Variants in PPARGC1A observed in about 807,000 individuals in gnomAD.
The protein encoded by PPARGC1A is peroxisome proliferator-activated receptor gamma coactivator 1-alpha.
In PPARGC1A, 25 loss-of-function variants were observed where a neutral mutation model predicts 88.7. That is an observed-to-expected ratio of 0.28 (90% CI 0.21 to 0.39). The LOEUF (loss-of-function observed/expected upper bound fraction) is 0.39. Among genes scored for constraint, PPARGC1A ranks in the 10% least tolerant of loss-of-function variants. The probability of loss-of-function intolerance (pLI) is 1.00; values close to 1 mark genes in which losing one functional copy is unlikely to be tolerated. For missense variants in PPARGC1A, 880 were observed against 968.7 expected, an observed-to-expected ratio of 0.91 and a Z score of 1.22; for synonymous variants, 363 against 355.6, an observed-to-expected ratio of 1.02 and a Z score of -0.24.
the PPARGC1A span, among the ~76,000 whole-genome samples, chr4:23,947,280 A>G: frequency 4.7e-5 from 7 of 149,912 alleles, no homozygotes; most frequent in African/African-American, 1.7e-4. Flanking sequence ...TAAGTGCTTT[A>G]CATAGATTAG....
intron 2 of PPARGC1A, among the ~76,000 whole-genome samples, chr4:23,872,973 G>A (rs941729124): frequency 6.6e-6 from 1 of 151,890 alleles, no homozygotes; most frequent in Non-Finnish European, 1.5e-5. Flanking sequence ...GGCGGATCAC[G>A]AGGTCAGGAG....
At chr4:24,470,277 G>GACACACACACAC in the PPARGC1A span, among the ~76,000 whole-genome samples, 4,713 of 110,432 alleles carry the variant, frequency 0.043, 191 homozygotes, top group Non-Finnish European at 0.051. The surrounding 1 kb of genome is among the most constrained non-coding windows in gnomAD (Gnocchi z 5.8). Flanking sequence ...GACAGACACA[G>GACACACACACAC]ACACACACAC....
chr4:24,418,378 C>G, the PPARGC1A span, among the ~76,000 whole-genome samples: 1 of 152,160 alleles, frequency 6.6e-6, no homozygotes, highest in Non-Finnish European at 1.5e-5. Context: ...TCTTCCAGCT[C>G]TCTGGCATTT....
the PPARGC1A span, among the ~76,000 whole-genome samples, chr4:24,016,678 T>C: frequency 1.3e-5 from 2 of 152,158 alleles, no homozygotes; most frequent in Non-Finnish European, 2.9e-5. Context: ...CAGGCCCCAA[T>C]AGAATTTTTA....
the PPARGC1A span, among the ~76,000 whole-genome samples, chr4:24,282,189 C>G: frequency 2.0e-5 from 3 of 152,300 alleles, no homozygotes; most frequent in East Asian, 5.8e-4. Flanking sequence ...CCCTAGGTCA[C>G]ATAGTTGTAC....
At chr4:23,946,077 C>A in the PPARGC1A span, among the ~76,000 whole-genome samples, 3 of 152,074 alleles carry the variant, frequency 2.0e-5, no homozygotes, top group Non-Finnish European at 2.9e-5. Flanking sequence ...CTTTAAGATA[C>A]CATGGTCCCA....
the PPARGC1A span, among the ~76,000 whole-genome samples, chr4:23,915,977 C>A: frequency 2.0e-5 from 3 of 152,212 alleles, no homozygotes; most frequent in East Asian, 5.8e-4. Flanking sequence ...AGTGGCTTGG[C>A]TTTAAATCCT....
the PPARGC1A span, among the ~76,000 whole-genome samples, chr4:24,061,893 T>C: frequency 6.6e-6 from 1 of 152,158 alleles, no homozygotes; most frequent in Admixed American, 6.5e-5. Context: ...TCCATCGAGT[T>C]TGGGAGGGCC....
upstream of PPARGC1A, among the ~76,000 whole-genome samples, chr4:23,902,510 G>C (rs998097195): frequency 2.0e-5 from 3 of 152,038 alleles, no homozygotes; most frequent in African/African-American, 7.2e-5. Flanking sequence ...AACATCCCTG[G>C]GGCAATCCCA....
At chr4:24,266,729 A>G in the PPARGC1A span, among the ~76,000 whole-genome samples, 1 of 152,118 alleles carries the variant, frequency 6.6e-6, no homozygotes, top group Non-Finnish European at 1.5e-5. Flanking sequence ...GGCTGCAAAG[A>G]TCCTGCAGGG....
chr4:24,195,947 A>C, the PPARGC1A span, among the ~76,000 whole-genome samples: 1 of 152,198 alleles, frequency 6.6e-6, no homozygotes, highest in Non-Finnish European at 1.5e-5. Flanking sequence ...CCCAATCAAC[A>C]ACTGATTTAC....
intron 1 of PPARGC1A, 85 bp downstream of exon 1, chr4:23,889,819 C>G: frequency 1.3e-6 from 2 of 1,533,160 alleles, no homozygotes; most frequent in East Asian, 4.6e-5. Flanking sequence ...CTCTCTTTGC[C>G]CAAGCCCATC....
At chr4:24,375,854 C>T in the PPARGC1A span, among the ~76,000 whole-genome samples, 2 of 152,032 alleles carry the variant, frequency 1.3e-5, no homozygotes, top group African/African-American at 4.8e-5. Flanking sequence ...AACCCAAACT[C>T]CTAAGTGGGA....
the PPARGC1A span, among the ~76,000 whole-genome samples, chr4:24,177,001 T>G: frequency 2.6e-5 from 4 of 151,842 alleles, no homozygotes; most frequent in Non-Finnish European, 5.9e-5. Context: ...AATCTTGGAC[T>G]TTTTTACACT....
upstream of PPARGC1A, among the ~76,000 whole-genome samples, chr4:23,902,309 T>C (rs1719505478): frequency 6.6e-6 from 1 of 152,152 alleles, no homozygotes; most frequent in South Asian, 2.1e-4. Flanking sequence ...ATAAAATTTA[T>C]AAAATCAGGA....
chr4:24,260,131 T>A, the PPARGC1A span, among the ~76,000 whole-genome samples: 8 of 152,244 alleles, frequency 5.3e-5, no homozygotes, highest in Non-Finnish European at 8.8e-5. Flanking sequence ...CATTTTCTGA[T>A]TTAATAGCAC....
At chr4:23,995,276 A>G in the PPARGC1A span, among the ~76,000 whole-genome samples, 1 of 152,176 alleles carries the variant, frequency 6.6e-6, no homozygotes, top group East Asian at 1.9e-4. Flanking sequence ...ACACATGTAC[A>G]TGCACACATA....
the PPARGC1A span, among the ~76,000 whole-genome samples, chr4:24,006,803 A>T: frequency 2.0e-5 from 3 of 152,214 alleles, no homozygotes; most frequent in East Asian, 1.9e-4. Flanking sequence ...GATGAAACCA[A>T]AAACCAACAA....
At chr4:24,467,491 A>G in the PPARGC1A span, among the ~76,000 whole-genome samples, 2 of 152,174 alleles carry the variant, frequency 1.3e-5, no homozygotes, top group Admixed American at 1.3e-4. Context: ...GTCTTGGCTC[A>G]TCTCCGGGGA....
Sources: allele counts gnomAD v4.1 joint callset (sites outside exome capture counted in the v4.1 genomes callset), GRCh38; gene constraint gnomAD v4.1.1; non-coding constraint Gnocchi (gnomAD v3.1); transcripts MANE v1.5; gene names NCBI Gene and HGNC (gene_info 2026-07-23, HGNC 2026-07-21).